FTCDNL1: variants seen among roughly 807,000 people sequenced by gnomAD.
The protein encoded by FTCDNL1 is formiminotransferase N-terminal subdomain-containing protein.
FTCDNL1 carries 11 observed loss-of-function variants against 5.9 expected under a neutral mutation model. The observed-to-expected ratio is 1.87, with a 90% CI of 1.18 to 3.10. The LOEUF (loss-of-function observed/expected upper bound fraction) is 3.10. Among genes scored for constraint, FTCDNL1 ranks in the 30% most tolerant of loss-of-function variants. The probability of loss-of-function intolerance (pLI) is 0.00; values close to 1 mark genes in which losing one functional copy is unlikely to be tolerated. For missense variants in FTCDNL1, 115 were observed against 65.5 expected (o/e 1.76, Z -2.61); for synonymous variants, 58 against 24.8 (o/e 2.34, Z -3.99).
chr2:199,761,561 G>C (rs978749580), intron 3 of FTCDNL1, among the ~76,000 whole-genome samples: 2 of 152,198 alleles, frequency 1.3e-5, no homozygotes, highest in African/African-American at 2.4e-5. Flanking sequence ...GGAGACAAAT[G>C]AAACTGAGGA....
chr2:199,805,192 C>T (rs1574564311), downstream of FTCDNL1, among the ~76,000 whole-genome samples: 1 of 152,182 alleles, frequency 6.6e-6, no homozygotes, highest in African/African-American at 2.4e-5. Context: ...GGAGCAATCC[C>T]TCACCATCCT....
At chr2:199,694,265 T>C in the FTCDNL1 span, among the ~76,000 whole-genome samples, 1 of 152,192 alleles carries the variant, frequency 6.6e-6, no homozygotes, top group African/African-American at 2.4e-5. Flanking sequence ...AGGTGTTTTG[T>C]CGTTGCAGTT....
the FTCDNL1 span, among the ~76,000 whole-genome samples, chr2:199,741,900 T>TATCGACGA: frequency 6.6e-6 from 1 of 152,200 alleles, no homozygotes; most frequent in Admixed American, 6.5e-5. Flanking sequence ...GCTATTAACA[T>TATCGACGA]ATCGACGAAT....
At chr2:199,704,832 C>G in the FTCDNL1 span, among the ~76,000 whole-genome samples, 1 of 152,072 alleles carries the variant, frequency 6.6e-6, no homozygotes, top group Non-Finnish European at 1.5e-5. Context: ...TGTAAACCAC[C>G]CCAAATTGTA....
At chr2:199,789,397 C>T (rs1366011305) in intron 3 of FTCDNL1, among the ~76,000 whole-genome samples, 1 of 151,944 alleles carries the variant, frequency 6.6e-6, no homozygotes, top group Non-Finnish European at 1.5e-5. Flanking sequence ...TTAATAAATG[C>T]CAAGATGTTA....
intron 3 of FTCDNL1, among the ~76,000 whole-genome samples, chr2:199,844,827 A>T (rs2076686100): frequency 6.6e-6 from 1 of 152,138 alleles, no homozygotes; most frequent in South Asian, 2.1e-4. Flanking sequence ...AAATTTTTTC[A>T]ATTGTCTCCA....
the FTCDNL1 span, among the ~76,000 whole-genome samples, chr2:199,731,988 T>A: frequency 6.6e-6 from 1 of 152,326 alleles, no homozygotes. Context: ...GAAACAATTT[T>A]TGTTTTTTCA....
the FTCDNL1 span, among the ~76,000 whole-genome samples, chr2:199,717,077 A>G: frequency 1.3e-5 from 2 of 152,124 alleles, no homozygotes; most frequent in Non-Finnish European, 2.9e-5. Flanking sequence ...AATAGGCAAA[A>G]AGGGGGAAAA....
the FTCDNL1 span, among the ~76,000 whole-genome samples, chr2:199,677,205 T>A: frequency 6.6e-6 from 1 of 152,188 alleles, no homozygotes; most frequent in African/African-American, 2.4e-5. Context: ...ACTAGTCATG[T>A]TACATTTCCC....
chr2:199,759,823 A>G (rs1022191527), downstream of FTCDNL1, among the ~76,000 whole-genome samples: 2 of 152,118 alleles, frequency 1.3e-5, no homozygotes, highest in Non-Finnish European at 2.9e-5. Flanking sequence ...ATTTAAATGG[A>G]TCTTTAGGTC....
the FTCDNL1 span, among the ~76,000 whole-genome samples, chr2:199,747,646 C>G: frequency 8.6e-5 from 13 of 151,818 alleles, no homozygotes; most frequent in African/African-American, 2.9e-4. Flanking sequence ...GACCCCTTTT[C>G]CCCGGAGGCC....
chr2:199,703,182 T>C, the FTCDNL1 span, among the ~76,000 whole-genome samples: 6 of 151,960 alleles, frequency 3.9e-5, no homozygotes, highest in African/African-American at 1.5e-4. Flanking sequence ...ATTAGGTATA[T>C]CTCCTAATGC....
the FTCDNL1 span, among the ~76,000 whole-genome samples, chr2:199,693,034 T>A: frequency 6.6e-6 from 1 of 152,260 alleles, no homozygotes; most frequent in Non-Finnish European, 1.5e-5. Context: ...CATTTCTTGC[T>A]GTATTTATTA....
chr2:199,664,388 C>A, the FTCDNL1 span, among the ~76,000 whole-genome samples: 1 of 152,148 alleles, frequency 6.6e-6, no homozygotes, highest in Non-Finnish European at 1.5e-5. Flanking sequence ...AAGAACACTT[C>A]TTTTTCCCCC....
the FTCDNL1 span, among the ~76,000 whole-genome samples, chr2:199,742,800 C>A: frequency 1.3e-5 from 2 of 152,054 alleles, no homozygotes; most frequent in African/African-American, 2.4e-5. Context: ...AAGTTCACTA[C>A]AATAGAAGTA....
At chr2:199,707,509 C>T in the FTCDNL1 span, among the ~76,000 whole-genome samples, 54 of 151,990 alleles carry the variant, frequency 3.6e-4, no homozygotes, top group Middle Eastern at 0.01. Context: ...AATGTTGGTT[C>T]TGTAATGATG....
At chr2:199,759,077 A>C, downstream of FTCDNL1, among the ~76,000 whole-genome samples, 1 of 152,264 alleles carries the variant, frequency 6.6e-6, no homozygotes, top group African/African-American at 2.4e-5. Context: ...GTACATTTCT[A>C]CATGTAAATC....
At chr2:199,761,973 C>T (rs1193964079) in intron 3 of FTCDNL1, among the ~76,000 whole-genome samples, 4 of 152,182 alleles carry the variant, frequency 2.6e-5, no homozygotes, top group African/African-American at 7.2e-5. Flanking sequence ...AATCTTTTGG[C>T]TTCCCTAGGC....
At chr2:199,697,642 A>C in the FTCDNL1 span, among the ~76,000 whole-genome samples, 3 of 152,196 alleles carry the variant, frequency 2.0e-5, no homozygotes, top group Non-Finnish European at 4.4e-5. Flanking sequence ...GCTAAACATA[A>C]AAATAAAAGA....
Sources: gnomAD v4.1 joint callset for allele counts (sites outside exome capture counted in the v4.1 genomes callset) on GRCh38, gnomAD v4.1.1 for gene constraint, MANE v1.5 for transcripts, NCBI Gene and HGNC (gene_info 2026-07-23, HGNC 2026-07-21) for gene names.